Variants in C9orf72 observed in about 807,000 individuals in gnomAD.
The protein encoded by C9orf72 is C9orf72-SMCR8 complex subunit, also known as guanine nucleotide exchange factor C9orf72.
C9orf72 carries 44 observed loss-of-function variants against 51.6 expected under a neutral mutation model. The observed-to-expected ratio is 0.85, with a 90% confidence interval of 0.67 to 1.10. The LOEUF (loss-of-function observed/expected upper bound fraction) is 1.10, where lower values mean the gene tolerates loss of function less well. Ranked by LOEUF, C9orf72 falls within the 50% of genes least tolerant of loss-of-function variation. The pLI, the probability that C9orf72 is intolerant of heterozygous loss-of-function variation, is 0.00. For missense variants in C9orf72, 607 were observed against 570.6 expected (o/e 1.06, Z -0.65); for synonymous variants, 213 against 194.2 (o/e 1.10, Z -0.81).
chr9:27,566,682 G>A lies in C9orf72; in HGVS notation c.439C>T (p.His147Tyr), dbSNP rs1390136699. ...HIIRKGRIWM[H>Y]KERQENVQKI... ...TAAGCTGAAAAATCACTTACCTTAT[G>A]CATCCATATTCTTCCTTTCCGGATT... The change falls in exon 2 of 11, where the codon CAT becomes TAT. Residue 147 changes from histidine (H) to tyrosine (Y), a missense_variant. Physicochemically the swap from His to Tyr is moderately conservative, Grantham distance 83. Coordinates refer to ENST00000380003, the MANE Select transcript of C9orf72 (RefSeq NM_018325.5). The A allele has an allele frequency of 2.5e-6, 4 of 1,586,620 alleles. No homozygotes were observed. The highest frequency in any genetic ancestry group is 3.4e-6 in the Non-Finnish European group (4 of 1,162,846).
chr9:27,548,219 C>A lies in C9orf72; in HGVS notation c.*17G>T. The A allele has an allele frequency of 6.3e-7, 1 of 1,586,372 alleles. No homozygotes were observed. The highest frequency in any genetic ancestry group is 1.7e-5 in the Admixed American group (1 of 57,930). On this transcript the variant is annotated 3_prime_UTR_variant, in exon 11 of 11. Transcript: ENST00000380003. ...GCGATCATGATTGTGATGGAATAGG[C>A]TTATTAAGTTACACATTTAAAAAGT...
At chr9:27,561,325 C>A in intron 5 of C9orf72, 1 of 1,226,516 alleles carries the variant, frequency 8.2e-7, no homozygotes, top group Non-Finnish European at 1.0e-6. Flanking sequence ...AAACAAGAAA[C>A]CAGAATCAAG....
chr9:27,555,479 A>G (rs1278001711), intron 8 of C9orf72, among the ~76,000 whole-genome samples: 1 of 151,338 alleles, frequency 6.6e-6, no homozygotes, highest in Admixed American at 6.6e-5. Flanking sequence ...CAATTTTTCT[A>G]TTGCCTTACA....
intron 1 of C9orf72, among the ~76,000 whole-genome samples, chr9:27,568,754 T>C (rs975242170): frequency 6.6e-6 from 1 of 152,226 alleles, no homozygotes; most frequent in Non-Finnish European, 1.5e-5. Flanking sequence ...TGTACAACAC[T>C]TGATAATAAA....
chr9:27,561,243 C>G (rs761917781), intron 5 of C9orf72: 3 of 1,062,244 alleles, frequency 2.8e-6, no homozygotes, highest in Non-Finnish European at 3.4e-6. Context: ...TTTTGTTCTA[C>G]GCCTAAATAA....
At chr9:27,550,418 ATTCCCG>A (rs1820882966) in intron 9 of C9orf72, among the ~76,000 whole-genome samples, 1 of 152,116 alleles carries the variant, frequency 6.6e-6, no homozygotes, top group African/African-American at 2.4e-5. Context: ...AAAGGTCTGA[ATTCCCG>A]AAGCATAAAT....
rs1406752826 is a variant in C9orf72, at chr9:27,566,959, G to A, written c.162C>T (p.Leu54=). The change falls in exon 2 of 11, where the codon CTC becomes CTT. Residue 54 remains leucine, a synonymous_variant. Coordinates refer to ENST00000380003, the MANE Select transcript of C9orf72 (RefSeq NM_018325.5). ...IWAPKTEQVL[L]SDGEITFLAN... ...CAAGAAAAGTTATTTCTCCATCACT[G>A]AGAAGTACCTGTTCTGTCTTTGGAG... 2.5e-6 allele frequency: 4 copies of A among 1,613,966 alleles called. No individual in the cohort carries two copies. The highest frequency in any genetic ancestry group is 3.4e-6 in the Non-Finnish European group (4 of 1,179,954).
chr9:27,557,948 G>T (rs944684452), intron 7 of C9orf72, among the ~76,000 whole-genome samples: 1 of 151,348 alleles, frequency 6.6e-6, no homozygotes, highest in Admixed American at 6.6e-5. Context: ...GATTCAACAA[G>T]GTGAACAACT....
At chr9:27,572,865 G>C (rs575347371) in intron 1 of C9orf72, among the ~76,000 whole-genome samples, 1 of 152,190 alleles carries the variant, frequency 6.6e-6, no homozygotes, top group Non-Finnish European at 1.5e-5. Flanking sequence ...CCACAGAATG[G>C]GGAGCACACC....
At chr9:27,573,502 C>A (rs1265352423), upstream of C9orf72, 3 of 137,072 alleles carry the variant, frequency 2.2e-5, no homozygotes, top group Non-Finnish European at 3.1e-5. Flanking sequence ...CCCGGGCCCG[C>A]CCCCGGGCCC....
intron 1 of C9orf72, among the ~76,000 whole-genome samples, chr9:27,567,452 T>C (rs1323145008): frequency 6.6e-6 from 1 of 152,186 alleles, no homozygotes; most frequent in Non-Finnish European, 1.5e-5. Context: ...TGATATTAAA[T>C]GTTACATACT....
chr9:27,570,628 G>A (rs1450948944), intron 1 of C9orf72, among the ~76,000 whole-genome samples: 2 of 152,094 alleles, frequency 1.3e-5, no homozygotes, highest in East Asian at 1.9e-4. Context: ...CTCTTTGGTA[G>A]GCCGAGGCAG....
chr9:27,565,153 C>T (rs2484321), intron 3 of C9orf72, among the ~76,000 whole-genome samples: 150,389 of 152,238 alleles, frequency 0.99, 74,308 homozygotes, highest in East Asian at 1. Flanking sequence ...ACAGATACCT[C>T]AGGGGTACAT....
intron 8 of C9orf72, among the ~76,000 whole-genome samples, chr9:27,551,497 G>C (rs1820908219): frequency 6.6e-6 from 1 of 152,202 alleles, no homozygotes; most frequent in Non-Finnish European, 1.5e-5. Flanking sequence ...AAGAGGAGGA[G>C]TTTTTAACTG....
chr9:27,551,308 T>C (rs1023045010), intron 8 of C9orf72, among the ~76,000 whole-genome samples: 6 of 152,302 alleles, frequency 3.9e-5, no homozygotes, highest in African/African-American at 1.2e-4. Context: ...AGTAGTAATA[T>C]AATGGCCACT....
At chr9:27,561,543 G>A (rs1485253908) in intron 5 of C9orf72, 42 bp downstream of exon 5, 3 of 1,606,412 alleles carry the variant, frequency 1.9e-6, no homozygotes, top group South Asian at 1.1e-5. Context: ...GCATAAGATG[G>A]TATCTGCTTC....
intron 8 of C9orf72, 102 bp downstream of exon 8, chr9:27,556,459 T>C (rs899896133): frequency 1.5e-5 from 11 of 710,156 alleles, no homozygotes; most frequent in Non-Finnish European, 2.4e-5. Flanking sequence ...CTGCTGGTAA[T>C]ATTTCTTTCT....
chr9:27,566,532 G>A, intron 2 of C9orf72, 145 bp downstream of exon 2: 2 of 604,936 alleles, frequency 3.3e-6, no homozygotes, highest in Non-Finnish European at 2.8e-6. Context: ...AGATGTATTT[G>A]TATCTAATAG....
Position 27,548,245 on chromosome 9 carries a change from C to G in C9orf72, c.1437G>C (p.Met479Ile). The change falls in exon 11 of 11, where the codon ATG (methionine) becomes ATC (isoleucine). Residue 479 changes from methionine (M) to isoleucine (I), a missense_variant. By Grantham distance (10) the Met-to-Ile change is conservative. Transcript: ENST00000380003. ...YTSVQERDVL[M>I]TF Reference sequence around the variant, plus strand: ...TTATTAAGTTACACATTTAAAAAGTCATTAGAACATCTCGTTCTTGCACAC... The same window carrying G: ...TTATTAAGTTACACATTTAAAAAGTGATTAGAACATCTCGTTCTTGCACAC... 6.2e-7 allele frequency: 1 copy of G among 1,606,658 alleles called. No homozygotes were observed. Among genetic ancestry groups the G allele is most frequent in the Non-Finnish European group, 8.5e-7 (1 of 1,176,446 alleles).
Sources: gnomAD v4.1 joint callset for allele counts (sites outside exome capture counted in the v4.1 genomes callset) on GRCh38, gnomAD v4.1.1 for gene constraint, MANE v1.5 for transcripts, NCBI Gene and HGNC (gene_info 2026-07-23, HGNC 2026-07-21) for gene names.